The following AFF2 variants were observed in gnomAD, a reference collection of about 807,000 sequenced individuals.
AFF2 encodes AF4/FMR2 family member 2.
In AFF2, 14 loss-of-function variants were observed where a neutral mutation model predicts 76.9. The ratio of observed to expected loss-of-function variants is 0.18; its 90% CI spans 0.12 to 0.28. The LOEUF is 0.28. AFF2 is among the 10% of genes least tolerant of loss of function. AFF2 has a pLI of 1.00. For missense variants in AFF2, 868 were observed against 1,001.1 expected (o/e 0.87, Z 1.79); for synonymous variants, 398 against 366.7 (o/e 1.09, Z -0.98).
chrX:148,505,947 GTGTGTGTC>G (rs1220125883), intron 1 of AFF2, among the ~76,000 whole-genome samples: 1 of 95,205 alleles, frequency 1.1e-5, no homozygotes, highest in African/African-American at 4.1e-5. Context: ...CTTTTTGAGT[GTGTGTGTC>G]TGTGTGTGTG....
At chrX:148,642,239 A>G (rs1358472856) in intron 1 of AFF2, among the ~76,000 whole-genome samples, 1 of 112,338 alleles carries the variant, frequency 8.9e-6, no homozygotes, top group Middle Eastern at 4.2e-3. Context: ...GCCTGGGCAA[A>G]AATTAGTGAG....
At chrX:148,814,998 C>A (rs1014465603) in intron 4 of AFF2, among the ~76,000 whole-genome samples, 1 of 111,401 alleles carries the variant, frequency 9.0e-6, no homozygotes, top group Non-Finnish European at 1.9e-5. Flanking sequence ...TATATCCTGT[C>A]AAATTAATGT....
chrX:148,776,286 T>C (rs1450295875), intron 3 of AFF2, among the ~76,000 whole-genome samples: 1 of 112,250 alleles, frequency 8.9e-6, no homozygotes, highest in Non-Finnish European at 1.9e-5. Flanking sequence ...TGGTTCCAAG[T>C]CTTTCCTATT....
At chrX:148,901,583 A>C (rs781965787) in intron 8 of AFF2, among the ~76,000 whole-genome samples, 1 of 112,186 alleles carries the variant, frequency 8.9e-6, no homozygotes, top group Non-Finnish European at 1.9e-5. Context: ...AGTGTGTCTC[A>C]CATTCTGGCA....
intron 3 of AFF2, among the ~76,000 whole-genome samples, chrX:148,775,831 C>T (rs1184365167): frequency 5.7e-5 from 6 of 104,729 alleles, no homozygotes; most frequent in Non-Finnish European, 1.2e-4. Context: ...CCAGATAACT[C>T]AGGATAAATG....
chrX:148,501,353 A>G (rs1459068509), intron 1 of AFF2, among the ~76,000 whole-genome samples: 1 of 112,296 alleles, frequency 8.9e-6, no homozygotes, highest in African/African-American at 3.2e-5. Flanking sequence ...AGGGATGCGG[A>G]CCCGAAAGCG....
At chrX:148,589,980 G>C (rs1414250720) in intron 1 of AFF2, among the ~76,000 whole-genome samples, 1 of 103,456 alleles carries the variant, frequency 9.7e-6, no homozygotes, top group African/African-American at 3.5e-5. Flanking sequence ...TTTCAGCAAA[G>C]ATAAAGCCCT....
At chrX:148,514,013 T>TTTAA (rs1311276612) in intron 1 of AFF2, among the ~76,000 whole-genome samples, 1 of 111,919 alleles carries the variant, frequency 8.9e-6, no homozygotes. Flanking sequence ...TTTATTGAAC[T>TTTAA]TTAATTAATT....
At chrX:148,878,167 A>C (rs2124118987) in intron 7 of AFF2, among the ~76,000 whole-genome samples, 1 of 111,995 alleles carries the variant, frequency 8.9e-6, no homozygotes, top group East Asian at 2.8e-4. Context: ...TGATAGAGAA[A>C]GTCCTCACTT....
intron 7 of AFF2, among the ~76,000 whole-genome samples, chrX:148,873,376 C>A (rs2071001140): frequency 9.1e-6 from 1 of 110,434 alleles, no homozygotes; most frequent in Non-Finnish European, 1.9e-5. Flanking sequence ...AGGCAGTCTG[C>A]AATCCAGGCA....
At chrX:148,876,950 T>C (rs1437698144) in intron 7 of AFF2, among the ~76,000 whole-genome samples, 2 of 111,624 alleles carry the variant, frequency 1.8e-5, no homozygotes, top group Non-Finnish European at 3.8e-5. Context: ...CCAGGTTCTG[T>C]TGAGGAGTTT....
chrX:148,769,577 C>G (rs1296803817), intron 3 of AFF2, among the ~76,000 whole-genome samples: 4 of 111,513 alleles, frequency 3.6e-5, no homozygotes, highest in Non-Finnish European at 5.7e-5. Flanking sequence ...ACATAATGGA[C>G]TAAGACCTCA....
At chrX:148,665,160 G>A (rs1234057288) in intron 3 of AFF2, among the ~76,000 whole-genome samples, 5 of 111,855 alleles carry the variant, frequency 4.5e-5, no homozygotes, top group East Asian at 2.8e-4. Flanking sequence ...CAGACCCAGC[G>A]AAATCCACCC....
intron 7 of AFF2, among the ~76,000 whole-genome samples, chrX:148,864,004 A>T (rs782105971): frequency 2.0e-4 from 22 of 111,347 alleles, no homozygotes; most frequent in Non-Finnish European, 3.4e-4. Flanking sequence ...CCAAGAGAAA[A>T]ATCAATTAAC....
chrX:148,796,742 G>A (rs6641250), intron 3 of AFF2, among the ~76,000 whole-genome samples: 65,171 of 110,760 alleles, frequency 0.59, 16,152 homozygotes, highest in East Asian at 0.92. Context: ...TGATTAAAAT[G>A]GAAGACTTAG....
At chrX:148,613,054 A>G (rs1251053335) in intron 1 of AFF2, among the ~76,000 whole-genome samples, 1 of 111,897 alleles carries the variant, frequency 8.9e-6, no homozygotes, top group African/African-American at 3.2e-5. Flanking sequence ...AATAGTGACC[A>G]TAAGGATTGT....
chrX:148,922,682 A>C (rs2071608902), intron 9 of AFF2, among the ~76,000 whole-genome samples: 1 of 112,017 alleles, frequency 8.9e-6, no homozygotes, highest in Non-Finnish European at 1.9e-5. Context: ...TAACTTTGCC[A>C]AGGGGATTTA....
intron 1 of AFF2, among the ~76,000 whole-genome samples, chrX:148,558,443 G>A: frequency 9.0e-6 from 1 of 111,248 alleles, no homozygotes. Context: ...AGGCTTGGGT[G>A]TTGTTCTATT....
intron 3 of AFF2, among the ~76,000 whole-genome samples, chrX:148,802,805 C>T (rs2070077429): frequency 1.8e-5 from 2 of 112,014 alleles, no homozygotes; most frequent in Admixed American, 1.9e-4. Context: ...TTGAAGAGGT[C>T]AAGAGCATAC....
Sources: allele counts gnomAD v4.1 joint callset (sites outside exome capture counted in the v4.1 genomes callset), GRCh38; gene constraint gnomAD v4.1.1; transcripts MANE v1.5; gene names NCBI Gene and HGNC (gene_info 2026-07-23, HGNC 2026-07-21).